Variants in SPAG16 observed in about 807,000 individuals in gnomAD.
SPAG16 encodes the protein sperm-associated antigen 16 protein.
SPAG16 carries 86 observed loss-of-function variants against 80.4 expected under a neutral mutation model. The ratio of observed to expected loss-of-function variants is 1.07; its 90% CI spans 0.90 to 1.28. The LOEUF is 1.28. Among genes scored for constraint, SPAG16 ranks in the 50% most tolerant of loss-of-function variants. The probability of loss-of-function intolerance (pLI) is 0.00; values close to 1 mark genes in which losing one functional copy is unlikely to be tolerated. For synonymous variants in SPAG16, 294 were observed against 265.9 expected (o/e 1.11, Z -1.03); for missense variants, 870 against 765.3 (o/e 1.14, Z -1.61).
At chr2:213,943,721 C>T (rs565639689) in intron 12 of SPAG16, among the ~76,000 whole-genome samples, 1 of 152,056 alleles carries the variant, frequency 6.6e-6, no homozygotes, top group African/African-American at 2.4e-5. Context: ...AATCATTAAG[C>T]AAAAAGGAAC....
At chr2:213,734,786 A>G (rs1308318149) in intron 10 of SPAG16, among the ~76,000 whole-genome samples, 1 of 152,218 alleles carries the variant, frequency 6.6e-6, no homozygotes, top group African/African-American at 2.4e-5. Flanking sequence ...ACAATATGCT[A>G]TTTATTTTTT....
chr2:214,165,259 T>C (rs1362371881), intron 15 of SPAG16, among the ~76,000 whole-genome samples: 2 of 152,042 alleles, frequency 1.3e-5, no homozygotes, highest in Non-Finnish European at 2.9e-5. Context: ...GTATTTTGCT[T>C]ATTCTTTCTG....
intron 14 of SPAG16, among the ~76,000 whole-genome samples, chr2:214,125,552 G>T (rs936526326): frequency 1.3e-5 from 2 of 151,652 alleles, no homozygotes; most frequent in African/African-American, 2.4e-5. Context: ...AATAAGGCTA[G>T]CAAACAGAAG....
intron 12 of SPAG16, among the ~76,000 whole-genome samples, chr2:213,956,065 C>A (rs1019905265): frequency 9.9e-5 from 15 of 151,976 alleles, no homozygotes; most frequent in African/African-American, 3.4e-4. Flanking sequence ...TCAAGCAATT[C>A]TCCTGCCTCA....
At position 214,114,585 on chromosome 2, in the gene SPAG16, A is replaced by G. The variant is rs531652311; in HGVS notation, c.1593+6324A>G. Among the ~76,000 whole-genome samples the G allele has an allele frequency of 7.9e-5, 12 of 152,296 alleles. No homozygotes were observed. In the East Asian group the frequency reaches 2.1e-3, roughly 27 times the overall value. ...CTGTACTAGCAGTGAGCAAGGCTCC[A>G]TGAGCGTGGGACCCCCTGCCCCGAG... On this transcript the variant is annotated intron_variant, in intron 14 of 15. Transcript: ENST00000331683.
At chr2:214,325,024 G>C (rs1181330112) in intron 15 of SPAG16, among the ~76,000 whole-genome samples, 3 of 152,070 alleles carry the variant, frequency 2.0e-5, no homozygotes, top group Non-Finnish European at 4.4e-5. Flanking sequence ...CATAATATCA[G>C]AAAAAATATT....
chr2:214,319,211 C>CACACACACACACAA (rs1695919262), intron 15 of SPAG16, among the ~76,000 whole-genome samples: 1 of 151,368 alleles, frequency 6.6e-6, no homozygotes, highest in Non-Finnish European at 1.5e-5. Context: ...CACACACACA[C>CACACACACACACAA]ACACACACAC....
rs541948411 is a variant in SPAG16, at chr2:213,324,853, A to G, written c.536+7497A>G. Among the ~76,000 whole-genome samples the G allele has an allele frequency of 1.5e-4, 23 of 152,264 alleles. No individual in the cohort carries two copies. The Middle Eastern group carries it at 0.01, about 68-fold the overall frequency. On this transcript the variant is annotated intron_variant, in intron 5 of 15. Coordinates refer to ENST00000331683, the MANE Select transcript of SPAG16 (RefSeq NM_024532.5). ...TCAAGTTGGTCCATTTTGCTTTCTCAGTAGGAATACATGCGAATTCCAGTT... is the reference window on the plus strand; with the variant it reads ...TCAAGTTGGTCCATTTTGCTTTCTCGGTAGGAATACATGCGAATTCCAGTT...
intron 13 of SPAG16, among the ~76,000 whole-genome samples, chr2:214,047,090 G>A (rs1429271399): frequency 6.6e-6 from 1 of 152,070 alleles, no homozygotes; most frequent in Non-Finnish European, 1.5e-5. Context: ...AATCAGTATT[G>A]TTAAAATGTC....
At chr2:213,780,045 G>C (rs1480826711) in intron 10 of SPAG16, among the ~76,000 whole-genome samples, 1 of 152,038 alleles carries the variant, frequency 6.6e-6, no homozygotes, top group African/African-American at 2.4e-5. Context: ...CCTGTCAGAG[G>C]GACTTTGAAT....
chr2:213,576,625 A>G (rs1255318562), intron 10 of SPAG16, among the ~76,000 whole-genome samples: 2 of 152,178 alleles, frequency 1.3e-5, no homozygotes, highest in East Asian at 1.9e-4. Flanking sequence ...CATATACACC[A>G]TGGGATACTA....
In SPAG16 at chr2:214,126,287, G is replaced by A. The variant is rs555949208; in HGVS notation, c.1593+18026G>A. ...TTCTATGACTCGCCTTAGGGAAGAG[G>A]AGTTCTGGTTTCTATGACTCATTCA... On this transcript the variant is annotated intron_variant, in intron 14 of 15. Transcript: ENST00000331683. Among the ~76,000 whole-genome samples, 29 of 151,248 alleles carry A rather than the reference G, an allele frequency of 1.9e-4. No homozygotes were observed. The South Asian group carries it at 5.2e-3, about 27-fold the overall frequency.
chr2:214,299,878 T>G (rs2125950206), intron 15 of SPAG16, among the ~76,000 whole-genome samples: 1 of 152,308 alleles, frequency 6.6e-6, no homozygotes, highest in African/African-American at 2.4e-5. Context: ...CTGGGCCTAT[T>G]AGAAAGTGAC....
chr2:213,675,995 A>T (rs2064049128), intron 10 of SPAG16, among the ~76,000 whole-genome samples: 1 of 152,112 alleles, frequency 6.6e-6, no homozygotes, highest in South Asian at 2.1e-4. Flanking sequence ...CAATTTCATG[A>T]TATTGATTCT....
intron 9 of SPAG16, among the ~76,000 whole-genome samples, chr2:213,437,782 C>T (rs1192164697): frequency 3.3e-5 from 5 of 152,150 alleles, no homozygotes; most frequent in South Asian, 4.1e-4. Context: ...GCTCTCCCTG[C>T]GTATTTATAT....
chr2:214,042,455 AACAAC>A (rs2049089216), intron 13 of SPAG16, among the ~76,000 whole-genome samples: 1 of 151,936 alleles, frequency 6.6e-6, no homozygotes. Context: ...CAACAACAAC[AACAAC>A]AACAAAAACT....
intron 10 of SPAG16, among the ~76,000 whole-genome samples, chr2:213,655,500 T>A (rs1180129541): frequency 6.6e-6 from 1 of 152,222 alleles, no homozygotes; most frequent in African/African-American, 2.4e-5. Flanking sequence ...AAAAATTGAT[T>A]TACATATGTA....
At chr2:213,558,381 C>T (rs533955962) in intron 10 of SPAG16, among the ~76,000 whole-genome samples, 1 of 151,820 alleles carries the variant, frequency 6.6e-6, no homozygotes, top group African/African-American at 2.4e-5. Flanking sequence ...GCTTTTTATT[C>T]CATAAATATT....
intron 10 of SPAG16, among the ~76,000 whole-genome samples, chr2:213,554,530 G>A (rs2059363066): frequency 6.6e-6 from 1 of 152,092 alleles, no homozygotes; most frequent in Non-Finnish European, 1.5e-5. Flanking sequence ...CTCTAAAAAT[G>A]GAGATACGAG....
Sources: allele counts gnomAD v4.1 joint callset (sites outside exome capture counted in the v4.1 genomes callset), GRCh38; gene constraint gnomAD v4.1.1; transcripts MANE v1.5; gene names NCBI Gene and HGNC (gene_info 2026-07-23, HGNC 2026-07-21).